Variants in MFHAS1 observed in about 807,000 individuals in gnomAD.
MFHAS1 encodes the protein multifunctional ROCO family signaling regulator 1.
A neutral mutation model predicts 70.4 loss-of-function variants in MFHAS1; 50 were observed. The observed-to-expected ratio is 0.71, with a 90% CI of 0.57 to 0.90. The LOEUF (loss-of-function observed/expected upper bound fraction) is 0.90, where lower values mean the gene tolerates loss of function less well. MFHAS1 is among the 40% of genes least tolerant of loss of function. The pLI, the probability that MFHAS1 is intolerant of heterozygous loss-of-function variation, is 0.00. For missense variants in MFHAS1, 1,795 were observed against 1,347.6 expected, an observed-to-expected ratio of 1.33 and a Z score of -5.20; for synonymous variants, 952 against 620.0, an observed-to-expected ratio of 1.54 and a Z score of -7.96.
Position 8,891,924 on chromosome 8 carries a change from G to A in MFHAS1, c.1135C>T (p.Gln379Ter), listed in dbSNP as rs750825377. 1 of 1,610,844 alleles carries A rather than the reference G, an allele frequency of 6.2e-7. No individual in the cohort carries two copies. Among genetic ancestry groups the A allele is most frequent in the Non-Finnish European group, 8.5e-7 (1 of 1,178,290 alleles). The change falls in exon 1 of 3, where the codon CAG becomes TAG. Residue 379 changes from glutamine (Q) to a stop codon, truncating the protein, a stop_gained. Transcript: ENST00000276282. LOFTEE classifies it high-confidence loss of function. The surrounding 1 kb of genome is among the most constrained non-coding windows in gnomAD (Gnocchi z 5.4). ...TTCATGCAGACCTCGTAGGGGGGCT[G>A]GATCAGTGGGTTGTCTTTGATCTTC... is the stretch of plus-strand genomic sequence containing the variant. Reference protein sequence around the residue: ...LWKIKDNPLIQPPYEVCMKGI... With the variant: ...LWKIKDNPLI
intron 1 of MFHAS1, among the ~76,000 whole-genome samples, chr8:8,802,967 T>C (rs996030885): frequency 6.6e-6 from 1 of 152,116 alleles, no homozygotes; most frequent in Admixed American, 6.6e-5. Flanking sequence ...TATCGGTAGA[T>C]TTGGCAACAA....
At chr8:8,839,254 T>C (rs55932438) in intron 1 of MFHAS1, among the ~76,000 whole-genome samples, 73 of 152,310 alleles carry the variant, frequency 4.8e-4, no homozygotes, top group Non-Finnish European at 7.8e-4. Flanking sequence ...TAAAGTTTTT[T>C]TTTCTTCTCA....
At chr8:8,874,399 T>A (rs1356313456) in intron 1 of MFHAS1, among the ~76,000 whole-genome samples, 1 of 151,944 alleles carries the variant, frequency 6.6e-6, no homozygotes, top group Admixed American at 6.6e-5. Context: ...AACAGGGTTC[T>A]AACTGTTCAT....
intron 1 of MFHAS1, among the ~76,000 whole-genome samples, chr8:8,804,594 G>A (rs17154776): frequency 0.023 from 3,491 of 152,228 alleles, 127 homozygotes; most frequent in African/African-American, 0.08. Flanking sequence ...GAGTATTCAT[G>A]GCCTGGTCAC....
chr8:8,798,484 T>C (rs1805981748), intron 1 of MFHAS1, among the ~76,000 whole-genome samples: 1 of 152,072 alleles, frequency 6.6e-6, no homozygotes, highest in African/African-American at 2.4e-5. Flanking sequence ...CAGCACCACA[T>C]CTGGCTAAAT....
At chr8:8,810,889 G>C (rs1181213028) in intron 1 of MFHAS1, among the ~76,000 whole-genome samples, 3 of 152,150 alleles carry the variant, frequency 2.0e-5, no homozygotes, top group African/African-American at 7.2e-5. Flanking sequence ...GGAAGGAGAA[G>C]GAGTGAAGGT....
At chr8:8,809,058 T>C (rs998646695) in intron 1 of MFHAS1, among the ~76,000 whole-genome samples, 5 of 152,100 alleles carry the variant, frequency 3.3e-5, no homozygotes, top group African/African-American at 1.2e-4. Flanking sequence ...AACCCTACTG[T>C]GAACTTGTAT....
rs1810163883 is a variant in MFHAS1 at position 8,893,140 on chromosome 8, C to T, written c.-82G>A. 1.1e-6 allele frequency: 1 copy of T among 875,100 alleles called. No individual in the cohort carries two copies. Among genetic ancestry groups the T allele is most frequent in the South Asian group, 4.6e-5 (1 of 21,742 alleles). 54.2% of individuals were successfully genotyped at this position (875,100 alleles called of 1,614,324 possible). ...GCGCCGCGCCCCGGGCCCTCCGGCT[C>T]CTGCCCCTGCCTGCCCTCCCGCGCT... On this transcript the variant is annotated 5_prime_UTR_variant, in exon 1 of 3. Transcript: ENST00000276282.
chr8:8,840,442 G>C (rs147798434), intron 1 of MFHAS1, among the ~76,000 whole-genome samples: 289 of 140,960 alleles, frequency 2.1e-3, no homozygotes, highest in African/African-American at 7.5e-3. Context: ...GGGCCACAGA[G>C]TGAGACTCCA....
intron 1 of MFHAS1, among the ~76,000 whole-genome samples, chr8:8,866,019 T>G (rs1414278819): frequency 6.6e-6 from 1 of 152,236 alleles, no homozygotes; most frequent in African/African-American, 2.4e-5. Flanking sequence ...ACAGAGGTGA[T>G]GACAGAGAAG....
Position 8,892,585 on chromosome 8 carries a change from A to T in MFHAS1, c.474T>A (p.Ala158=). 3.1e-6 allele frequency: 5 copies of T among 1,607,662 alleles called. No homozygotes were observed. The highest frequency in any genetic ancestry group is 4.2e-6 in the Non-Finnish European group (5 of 1,177,734). Reference sequence around the variant, plus strand: ...AGCTGACATCCAGCTCCTCCAGGTGAGCGAGAGCGCCCAGCTGGGCGGGCA... The same window carrying T: ...AGCTGACATCCAGCTCCTCCAGGTGTGCGAGAGCGCCCAGCTGGGCGGGCA... ...PALPAQLGAL[A]HLEELDVSFN... is the part of the protein sequence containing the mutation. Residue 158 remains alanine (A), a synonymous_variant, in exon 1 of 3, where the codon GCT becomes GCA. Transcript: ENST00000276282. The surrounding 1 kb of genome is among the most constrained non-coding windows in gnomAD (Gnocchi z 4.7).
chr8:8,861,826 T>G (rs1376435076), intron 1 of MFHAS1, among the ~76,000 whole-genome samples: 3 of 152,316 alleles, frequency 2.0e-5, no homozygotes, highest in African/African-American at 7.2e-5. Flanking sequence ...TCATACAATA[T>G]GTACTCGACT....
chr8:8,826,879 C>T (rs1807184555), intron 1 of MFHAS1, among the ~76,000 whole-genome samples: 1 of 152,190 alleles, frequency 6.6e-6, no homozygotes, highest in African/African-American at 2.4e-5. Context: ...AGGAAACACA[C>T]CCACATAATT....
rs368070517 is a variant in MFHAS1 at position 8,796,617 on chromosome 8, G to T, written c.3125+748C>A. On this transcript the variant is annotated intron_variant, in intron 2 of 2. Transcript: ENST00000276282. Reference sequence around the variant, plus strand: ...GAGAATGGCCCGAACCCGGAAGGCGGAGCTTGCAGTGAGCCAAGATGGCGC... The same window carrying T: ...GAGAATGGCCCGAACCCGGAAGGCGTAGCTTGCAGTGAGCCAAGATGGCGC... Among the ~76,000 whole-genome samples the T allele has an allele frequency of 1.8e-4, 26 of 145,180 alleles. 3 individuals carry two copies. The East Asian group carries it at 2.6e-3, about 14-fold the overall frequency.
At position 8,890,238 on chromosome 8, in the gene MFHAS1, G is replaced by C. The variant is rs1809935722; in HGVS notation, c.2821C>G (p.Leu941Val). The C allele has an allele frequency of 2.5e-6, 4 of 1,614,194 alleles. No homozygotes were observed. Among genetic ancestry groups the C allele is most frequent in the Non-Finnish European group, 3.4e-6 (4 of 1,180,022 alleles). The change falls in exon 1 of 3, where the codon CTG becomes GTG. Residue 941 changes from leucine (L) to valine (V), a missense_variant. By Grantham distance (32) the Leu-to-Val change is conservative. Transcript: ENST00000276282. Reference sequence around the variant, plus strand: ...AATGATGCATGGCTAGCAATGGACAGGGTGTCTGGCTGCAGGACTCCCCTG... The same window carrying C: ...AATGATGCATGGCTAGCAATGGACACGGTGTCTGGCTGCAGGACTCCCCTG... Reference protein sequence around the residue: ...PARGVLQPDTLSIASHASLPN... With the variant: ...PARGVLQPDTVSIASHASLPN...
rs1292174092 is a variant in MFHAS1, at chr8:8,785,661, C to T, written c.*361G>A. ...ATTTAACAGAACTGAAATCTGAGTG[C>T]TCTAAATACTGCCACCTGTACTGTA... On this transcript the variant is annotated 3_prime_UTR_variant, in exon 3 of 3. Coordinates refer to ENST00000276282, the MANE Select transcript of MFHAS1 (RefSeq NM_004225.3). 4.5e-6 allele frequency: 1 copy of T among 223,818 alleles called. No homozygotes were observed. The highest frequency in any genetic ancestry group is 8.9e-6 in the Non-Finnish European group (1 of 112,766). The allele number at this position is 223,818 out of a possible 1,614,324, so 13.9% of individuals were successfully genotyped here.
At chr8:8,884,449 T>C (rs1438595583) in intron 1 of MFHAS1, among the ~76,000 whole-genome samples, 5 of 152,188 alleles carry the variant, frequency 3.3e-5, no homozygotes. Context: ...CATGCTCAAA[T>C]TCCAGTAATT....
At chr8:8,827,666 CT>C (rs1427699861) in intron 1 of MFHAS1, among the ~76,000 whole-genome samples, 4 of 152,162 alleles carry the variant, frequency 2.6e-5, no homozygotes, top group Non-Finnish European at 5.9e-5. Flanking sequence ...CAATATATTA[CT>C]TGTTTTTTGA....
intron 1 of MFHAS1, among the ~76,000 whole-genome samples, chr8:8,858,032 G>C (rs183459499): frequency 6.6e-6 from 1 of 152,306 alleles, no homozygotes; most frequent in Admixed American, 6.5e-5. Context: ...CTGAGACAAT[G>C]ACTGGTGTTC....
Sources: allele counts gnomAD v4.1 joint callset (sites outside exome capture counted in the v4.1 genomes callset), GRCh38; gene constraint gnomAD v4.1.1; non-coding constraint Gnocchi (gnomAD v3.1); transcripts MANE v1.5; gene names NCBI Gene and HGNC (gene_info 2026-07-23, HGNC 2026-07-21).